NOS1AP: variants seen among roughly 807,000 people sequenced by gnomAD.
NOS1AP encodes the protein carboxyl-terminal PDZ ligand of neuronal nitric oxide synthase protein.
Under a neutral mutation model 56.2 loss-of-function variants are expected in NOS1AP, and 21 were observed. The ratio of observed to expected loss-of-function variants is 0.37; its 90% CI spans 0.26 to 0.54. The LOEUF is 0.54. Ranked by LOEUF, NOS1AP falls within the 20% of genes least tolerant of loss-of-function variation. The pLI is 0.84. For synonymous variants in NOS1AP, 270 were observed against 274.6 expected, an observed-to-expected ratio of 0.98 and a Z score of 0.17; for missense variants, 522 against 657.8, an observed-to-expected ratio of 0.79 and a Z score of 2.26.
intron 2 of NOS1AP, among the ~76,000 whole-genome samples, chr1:162,207,916 AAT>A (rs1049185420): frequency 6.6e-6 from 1 of 152,230 alleles, no homozygotes; most frequent in African/African-American, 2.4e-5. Context: ...GCCTGAAAAA[AAT>A]AGTAATTCCT....
At chr1:162,253,796 C>G (rs1247773937) in intron 2 of NOS1AP, among the ~76,000 whole-genome samples, 1 of 152,074 alleles carries the variant, frequency 6.6e-6, no homozygotes, top group African/African-American at 2.4e-5. Flanking sequence ...ATATTTCAAG[C>G]CACTTTTTTT....
At chr1:162,118,778 A>T (rs994929683) in intron 1 of NOS1AP, among the ~76,000 whole-genome samples, 8 of 152,176 alleles carry the variant, frequency 5.3e-5, no homozygotes, top group African/African-American at 1.9e-4. Flanking sequence ...CCCAGTATGC[A>T]CCCAGGGCTG....
intron 6 of NOS1AP, among the ~76,000 whole-genome samples, chr1:162,345,915 AAAC>A (rs1657279198): frequency 6.6e-6 from 1 of 152,238 alleles, no homozygotes; most frequent in Non-Finnish European, 1.5e-5. Context: ...AAATTTAAAA[AAAC>A]AAGAATAGAA....
chr1:162,300,781 C>A, intron 4 of NOS1AP, 75 bp downstream of exon 4: 4 of 1,315,460 alleles, frequency 3.0e-6, no homozygotes, highest in Non-Finnish European at 4.4e-6. Context: ...ACCTGTCAGG[C>A]TGGTGGATCC....
intron 1 of NOS1AP, among the ~76,000 whole-genome samples, chr1:162,131,475 T>C (rs888062019): frequency 2.0e-5 from 3 of 151,074 alleles, no homozygotes; most frequent in Non-Finnish European, 4.4e-5. Flanking sequence ...AGCACAGAGA[T>C]ATTAGGGTCT....
intron 6 of NOS1AP, among the ~76,000 whole-genome samples, chr1:162,349,557 C>G (rs913632114): frequency 1.3e-5 from 2 of 152,240 alleles, no homozygotes; most frequent in Non-Finnish European, 2.9e-5. Context: ...TTCATGCTCT[C>G]TCTGGAGCTT....
At chr1:162,171,206 A>G (rs1310536268) in intron 2 of NOS1AP, among the ~76,000 whole-genome samples, 3 of 152,160 alleles carry the variant, frequency 2.0e-5, no homozygotes, top group East Asian at 1.9e-4. Flanking sequence ...TGCAGAGATC[A>G]AGATCCTCAT....
At chr1:162,103,363 A>G (rs1647381565) in intron 1 of NOS1AP, among the ~76,000 whole-genome samples, 1 of 151,984 alleles carries the variant, frequency 6.6e-6, no homozygotes, top group Non-Finnish European at 1.5e-5. Context: ...TATGTGATCA[A>G]TTTTACAGTA....
intron 4 of NOS1AP, 21 bp downstream of exon 4, chr1:162,300,727 C>T (rs900657560): frequency 6.2e-7 from 1 of 1,611,006 alleles, no homozygotes; most frequent in Non-Finnish European, 8.5e-7. Flanking sequence ...AGTCCAGCAC[C>T]CAAGATATCA....
chr1:162,118,193 C>T (rs1648049280), intron 1 of NOS1AP, among the ~76,000 whole-genome samples: 1 of 152,144 alleles, frequency 6.6e-6, no homozygotes, highest in African/African-American at 2.4e-5. Context: ...CCAATGAATT[C>T]CGTCACCCAA....
chr1:162,303,288 G>A (rs1391359228), intron 4 of NOS1AP, among the ~76,000 whole-genome samples: 1 of 152,042 alleles, frequency 6.6e-6, no homozygotes, highest in Non-Finnish European at 1.5e-5. Flanking sequence ...CTTTCTAAAG[G>A]GATACCACCA....
chr1:162,251,909 A>G (rs983783358), intron 2 of NOS1AP, among the ~76,000 whole-genome samples: 6 of 120,018 alleles, frequency 5.0e-5, no homozygotes, highest in South Asian at 5.1e-4. Context: ...AGGTCCCACT[A>G]TATTGCCCAG....
At chr1:162,277,583 C>T (rs1416439145) in intron 2 of NOS1AP, among the ~76,000 whole-genome samples, 2 of 152,180 alleles carry the variant, frequency 1.3e-5, no homozygotes, top group Non-Finnish European at 2.9e-5. Context: ...AAAGTCTAAG[C>T]TCACCCTAAG....
intron 2 of NOS1AP, among the ~76,000 whole-genome samples, chr1:162,192,516 A>T (rs1165074778): frequency 6.6e-6 from 1 of 152,098 alleles, no homozygotes; most frequent in Non-Finnish European, 1.5e-5. Context: ...GTGTTAGAGG[A>T]ACCAGAAGAA....
At chr1:162,169,059 C>T (rs534907528) in intron 2 of NOS1AP, among the ~76,000 whole-genome samples, 5 of 152,320 alleles carry the variant, frequency 3.3e-5, no homozygotes, top group African/African-American at 1.2e-4. Flanking sequence ...GCACCCTTGG[C>T]GGGGATTTCT....
At chr1:162,092,401 T>G (rs1384942490) in intron 1 of NOS1AP, among the ~76,000 whole-genome samples, 1 of 152,190 alleles carries the variant, frequency 6.6e-6, no homozygotes, top group Non-Finnish European at 1.5e-5. Flanking sequence ...CCAGAAGGCC[T>G]GGCTTCGTCA....
intron 1 of NOS1AP, among the ~76,000 whole-genome samples, chr1:162,081,774 A>ATATATATATATATTTTTTTTT: frequency 4.1e-4 from 18 of 44,056 alleles, no homozygotes; most frequent in East Asian, 2.9e-3. Flanking sequence ...ATATATATAT[A>ATATATATATATATTTTTTTTT]TTTTTTTTTT....
intron 6 of NOS1AP, among the ~76,000 whole-genome samples, chr1:162,351,986 G>A (rs1327370271): frequency 4.6e-5 from 7 of 151,984 alleles, no homozygotes; most frequent in Non-Finnish European, 7.4e-5. Context: ...GCAGCTTCTG[G>A]GGCACCCCAC....
chr1:162,135,913 AT>A (rs1425450354), intron 1 of NOS1AP, among the ~76,000 whole-genome samples: 1 of 152,196 alleles, frequency 6.6e-6, no homozygotes, highest in African/African-American at 2.4e-5. Context: ...TTAAAAATTT[AT>A]TTTTTATTGA....
Sources: allele counts gnomAD v4.1 joint callset (sites outside exome capture counted in the v4.1 genomes callset), GRCh38; gene constraint gnomAD v4.1.1; transcripts MANE v1.5; gene names NCBI Gene and HGNC (gene_info 2026-07-23, HGNC 2026-07-21).